FNDC3B: variants seen among roughly 807,000 people sequenced by gnomAD.
The protein encoded by FNDC3B is fibronectin type III domain-containing protein 3B.
FNDC3B carries 12 observed loss-of-function variants against 151.5 expected under a neutral mutation model. That is an observed-to-expected ratio of 0.08 (90% CI 0.05 to 0.13). The LOEUF is 0.13. Among genes scored for constraint, FNDC3B ranks in the 10% least tolerant of loss-of-function variants. The pLI, the probability that FNDC3B is intolerant of heterozygous loss-of-function variation, is 1.00. For missense variants in FNDC3B, 1,214 were observed against 1,505.3 expected, an observed-to-expected ratio of 0.81 and a Z score of 3.20; for synonymous variants, 528 against 549.0, an observed-to-expected ratio of 0.96 and a Z score of 0.54.
At chr3:172,214,518 G>T (rs1358947795) in intron 3 of FNDC3B, among the ~76,000 whole-genome samples, 1 of 147,274 alleles carries the variant, frequency 6.8e-6, no homozygotes, top group African/African-American at 2.6e-5. Flanking sequence ...CAAGAAAGTG[G>T]CATCAGGTAG....
intron 6 of FNDC3B, among the ~76,000 whole-genome samples, chr3:172,262,059 T>C (rs1728674260): frequency 6.6e-6 from 1 of 152,002 alleles, no homozygotes; most frequent in Non-Finnish European, 1.5e-5. Flanking sequence ...TTCAGAGGAA[T>C]GGCACATTGA....
chr3:172,048,386 G>A (rs187911005), intron 1 of FNDC3B, among the ~76,000 whole-genome samples: 1 of 151,936 alleles, frequency 6.6e-6, no homozygotes, highest in Admixed American at 6.6e-5. Flanking sequence ...TTCGATCATG[G>A]TTTTTTTAAT....
chr3:172,391,611 C>T (rs1368171007), intron 25 of FNDC3B, among the ~76,000 whole-genome samples: 1 of 152,208 alleles, frequency 6.6e-6, no homozygotes, highest in African/African-American at 2.4e-5. Context: ...CAATAGGTGT[C>T]ACCTGCAAAA....
chr3:172,289,171 C>T (rs945595147), intron 7 of FNDC3B, among the ~76,000 whole-genome samples: 1 of 152,192 alleles, frequency 6.6e-6, no homozygotes, highest in African/African-American at 2.4e-5. Context: ...GGGACAAAAT[C>T]TGTTTTCTTG....
At chr3:172,235,534 C>T (rs1272395547) in intron 4 of FNDC3B, among the ~76,000 whole-genome samples, 1 of 152,166 alleles carries the variant, frequency 6.6e-6, no homozygotes, top group Non-Finnish European at 1.5e-5. Flanking sequence ...AGACTGATTT[C>T]TTGATACCTC....
intron 3 of FNDC3B, chr3:172,134,379 ATGATAGCTCTTTT>A: frequency 1.9e-6 from 1 of 518,642 alleles, no homozygotes; most frequent in Non-Finnish European, 3.9e-6. Context: ...GGCACTGTTT[ATGATAGCTCTTTT>A]TGACAGTGAC....
At position 172,187,996 on chromosome 3, in the gene FNDC3B, G is replaced by GTTTTTTTTTTTTTTTTTTTTTTT. The variant is rs35110477; in HGVS notation, c.188-38859_188-38858insTTTTTTTTTTTTTTTTTTTTTTT. 1.5e-5 allele frequency among the ~76,000 whole-genome samples: 2 copies of GTTTTTTTTTTTTTTTTTTTTTTT among 134,656 alleles called. 1 individual carries two copies. The allele number at this position is 134,656 out of a possible 152,430, so 88.3% of individuals were successfully genotyped here. On this transcript the variant is annotated intron_variant, in intron 3 of 25. Coordinates refer to ENST00000415807, the MANE Select transcript of FNDC3B (RefSeq NM_022763.4). ...TAAATTCCATTTTTATATTTAAGCA[G>GTTTTTTTTTTTTTTTTTTTTTTT]TTTTTTTTTTTTTTTTGAGACGGAG...
At chr3:172,053,578 C>G (rs1210290431) in intron 1 of FNDC3B, among the ~76,000 whole-genome samples, 1 of 152,108 alleles carries the variant, frequency 6.6e-6, no homozygotes, top group African/African-American at 2.4e-5. Flanking sequence ...TTGAGACACA[C>G]CTGACCAACA....
chr3:172,145,478 C>T (rs1721856581), intron 3 of FNDC3B, among the ~76,000 whole-genome samples: 1 of 152,194 alleles, frequency 6.6e-6, no homozygotes, highest in Non-Finnish European at 1.5e-5. Flanking sequence ...AAATGTCAAA[C>T]TGTTTGTTCT....
chr3:172,084,569 AT>A lies in FNDC3B; in HGVS notation c.-28-27879del, dbSNP rs557657368. On this transcript the variant is annotated intron_variant, in intron 1 of 25. Coordinates refer to ENST00000415807, the MANE Select transcript of FNDC3B (RefSeq NM_022763.4). ...CTTCTACCACTAAAATAGTGTTATT[AT>A]TTTCACTTTTGTTCACTCAAATATT... Among the ~76,000 whole-genome samples the A allele has an allele frequency of 5.2e-4, 79 of 152,172 alleles. 1 individual carries two copies. The South Asian group carries it at 0.016, about 30-fold the overall frequency.
At chr3:172,354,928 C>A (rs967329781) in intron 22 of FNDC3B, among the ~76,000 whole-genome samples, 9 of 137,518 alleles carry the variant, frequency 6.5e-5, no homozygotes, top group African/African-American at 2.2e-4. Context: ...CAAGCTTATT[C>A]TTTCTCTGTG....
intron 1 of FNDC3B, among the ~76,000 whole-genome samples, chr3:172,044,136 A>G (rs1716238983): frequency 6.6e-6 from 1 of 152,258 alleles, no homozygotes; most frequent in Admixed American, 6.5e-5. Context: ...AGATTAAAAC[A>G]GTAAGAAAGA....
At chr3:172,124,093 C>G (rs539262054) in intron 2 of FNDC3B, among the ~76,000 whole-genome samples, 1 of 150,300 alleles carries the variant, frequency 6.7e-6, no homozygotes, top group South Asian at 2.1e-4. Flanking sequence ...ACACTTGGAA[C>G]TTTTTTTTTT....
At chr3:172,392,810 C>CTTTTTCTTT (rs1553800991) in intron 25 of FNDC3B, among the ~76,000 whole-genome samples, 1 of 99,874 alleles carries the variant, frequency 1.0e-5, no homozygotes, top group Non-Finnish European at 1.9e-5. Flanking sequence ...TTTTTTTTTT[C>CTTTTTCTTT]TTTTTTTTTT....
At position 172,274,305 on chromosome 3, in the gene FNDC3B, A is replaced by C. The variant is rs192639113; in HGVS notation, c.791-11621A>C. 2.7e-3 allele frequency among the ~76,000 whole-genome samples: 412 copies of C among 152,320 alleles called. 1 individual carries two copies. The highest frequency in any genetic ancestry group is 9.5e-3 in the African/African-American group (395 of 41,572). ...TTTATCCTGAACCAAGTAGTCTAGC[A>C]GTCTCTTCCAGCGGATAGATTTGTT... On this transcript the variant is annotated intron_variant, in intron 6 of 25. Coordinates refer to ENST00000415807, the MANE Select transcript of FNDC3B (RefSeq NM_022763.4).
rs910735006 is a variant in FNDC3B at position 172,398,920 on chromosome 3, C to T, written c.*1445C>T. 4.6e-5 allele frequency: 7 copies of T among 152,492 alleles called. No homozygotes were observed. Among genetic ancestry groups the T allele is most frequent in the African/African-American group, 1.7e-4 (7 of 41,404 alleles). 9.4% of individuals were successfully genotyped at this position (152,492 alleles called of 1,614,324 possible). A position where few individuals can be genotyped will look rare whatever the true frequency, so the allele number is the denominator to read the frequency against. ...TTATTTATATGAAGTCCATAATGTT[C>T]GAGTACCTCAGGGACATTTAAGAGT... On this transcript the variant is annotated 3_prime_UTR_variant, in exon 26 of 26. Transcript: ENST00000415807.
chr3:172,061,102 A>G (rs1455374488), intron 1 of FNDC3B, among the ~76,000 whole-genome samples: 1 of 152,152 alleles, frequency 6.6e-6, no homozygotes, highest in Non-Finnish European at 1.5e-5. Context: ...GTTGCATTTC[A>G]TCTTTTCTTT....
Position 172,337,243 on chromosome 3 carries a change from G to T in FNDC3B, c.1781-87G>T, listed in dbSNP as rs1332155105. ...ATGTCTAGAATTCAGATAGTATAATGGTGTGTGATTTTATGAGTCCTGATG... is the reference window on the plus strand; with the variant it reads ...ATGTCTAGAATTCAGATAGTATAATTGTGTGTGATTTTATGAGTCCTGATG... On this transcript the variant is annotated intron_variant, in intron 15 of 25. Coordinates refer to ENST00000415807, the MANE Select transcript of FNDC3B (RefSeq NM_022763.4). 3 of 864,456 alleles carry T rather than the reference G, an allele frequency of 3.5e-6. No homozygotes were observed. In the Admixed American group the frequency reaches 6.1e-5, roughly 17 times the overall value. The allele number at this position is 864,456 out of a possible 1,614,324, so 53.5% of individuals were successfully genotyped here.
intron 11 of FNDC3B, among the ~76,000 whole-genome samples, chr3:172,324,541 C>A (rs1197163996): frequency 6.8e-6 from 1 of 147,842 alleles, no homozygotes; most frequent in Non-Finnish European, 1.5e-5. Flanking sequence ...GGTTTGTACT[C>A]CAAGATTTCT....
Sources: allele counts gnomAD v4.1 joint callset (sites outside exome capture counted in the v4.1 genomes callset), GRCh38; gene constraint gnomAD v4.1.1; transcripts MANE v1.5; gene names NCBI Gene and HGNC (gene_info 2026-07-23, HGNC 2026-07-21).